The following PANK2 variants were observed in gnomAD, a reference collection of about 807,000 sequenced individuals.
PANK2 encodes pantothenate kinase 2, also known as pantothenate kinase 2, mitochondrial.
A neutral mutation model predicts 43.1 loss-of-function variants in PANK2; 36 were observed. That is an observed-to-expected ratio of 0.84 (90% CI 0.64 to 1.10). PANK2 has a LOEUF of 1.10. PANK2 is among the 50% of genes least tolerant of loss of function. The pLI, the probability that PANK2 is intolerant of heterozygous loss-of-function variation, is 0.00. For synonymous variants in PANK2, 281 were observed against 238.2 expected (o/e 1.18, Z -1.66); for missense variants, 576 against 593.3 (o/e 0.97, Z 0.30).
Position 3,923,377 on chromosome 20 carries a change from A to G in PANK2, c.*83A>G. 2 of 1,367,858 alleles carry G rather than the reference A, an allele frequency of 1.5e-6. No individual in the cohort carries two copies. Among genetic ancestry groups the G allele is most frequent in the Admixed American group, 1.7e-5 (1 of 59,502 alleles). 84.7% of individuals were successfully genotyped at this position (1,367,858 alleles called of 1,614,324 possible). On this transcript the variant is annotated 3_prime_UTR_variant, in exon 7 of 7. Coordinates refer to ENST00000610179, the MANE Select transcript of PANK2 (RefSeq NM_001386393.1). ...TTTTTTAAGAGACTTACTCAATTTCATGACTGTACTACCTGAAACAAAGTG... is the reference window on the plus strand; with the variant it reads ...TTTTTTAAGAGACTTACTCAATTTCGTGACTGTACTACCTGAAACAAAGTG...
intron 1 of PANK2, chr20:3,901,576 T>C: frequency 1.0e-6 from 1 of 978,968 alleles, no homozygotes; most frequent in Non-Finnish European, 1.2e-6. Flanking sequence ...TTCATTTCCT[T>C]CTCCCTTCTC....
chr20:3,911,097 A>G (rs2090461821), intron 3 of PANK2, among the ~76,000 whole-genome samples: 1 of 152,254 alleles, frequency 6.6e-6, no homozygotes, highest in Admixed American at 6.5e-5. Flanking sequence ...TATGGTGTGC[A>G]TACACAAAGT....
intron 1 of PANK2, 40 bp downstream of exon 1, chr20:3,889,768 C>CTG: frequency 6.3e-7 from 1 of 1,578,854 alleles, no homozygotes; most frequent in Non-Finnish European, 8.5e-7. Flanking sequence ...CCGCCCTGCC[C>CTG]CCCCTTCCGG....
intron 3 of PANK2, among the ~76,000 whole-genome samples, chr20:3,911,555 G>T (rs1173644330): frequency 2.0e-5 from 3 of 149,982 alleles, no homozygotes; most frequent in African/African-American, 7.4e-5. Flanking sequence ...CTGCACTCCA[G>T]CCTGGGTGAC....
chr20:3,896,326 C>G (rs957178484), intron 1 of PANK2, among the ~76,000 whole-genome samples: 1 of 150,740 alleles, frequency 6.6e-6, no homozygotes, highest in African/African-American at 2.4e-5. Flanking sequence ...GATCCGCCTG[C>G]CTTGGCCTCC....
chr20:3,902,358 T>C (rs2090315526), intron 1 of PANK2, among the ~76,000 whole-genome samples: 1 of 151,658 alleles, frequency 6.6e-6, no homozygotes, highest in South Asian at 2.1e-4. Context: ...TGAGACGGAA[T>C]CTCACTCTGT....
chr20:3,917,246 C>T (rs368173301), intron 5 of PANK2, among the ~76,000 whole-genome samples, 196 bp downstream of exon 5: 97 of 151,240 alleles, frequency 6.4e-4, no homozygotes, highest in African/African-American at 2.3e-3. Context: ...AACATTGCTA[C>T]TTGTCTAGAG....
chr20:3,915,233 T>C (rs1039662067), intron 4 of PANK2, among the ~76,000 whole-genome samples: 4 of 108,514 alleles, frequency 3.7e-5, no homozygotes, highest in Middle Eastern at 5.0e-3. Flanking sequence ...TCATGAAGAA[T>C]TGTTTATTTT....
chr20:3,914,412 C>G (rs895121189), intron 4 of PANK2, among the ~76,000 whole-genome samples: 1 of 151,780 alleles, frequency 6.6e-6, no homozygotes. Context: ...GTCTCCTGGG[C>G]TCAGGTGTTT....
In PANK2 at chr20:3,916,965, T is replaced by A; in HGVS notation, c.1121T>A (p.Val374Asp). ...ATGAGCAAGGAGAAGCGAGAGGCTG[T>A]CAGTAAAGAGGACCTGGCCAGAGCG... The change falls in exon 5 of 7, where the codon GTC becomes GAC. Residue 374 changes from valine (V) to aspartate (D), a missense_variant. This residue lies in a region of PANK2 where 544 missense variants were observed against 528.9 expected (regional missense o/e 1.03). Transcript: ENST00000610179. 1 of 1,614,084 alleles carries A rather than the reference T, an allele frequency of 6.2e-7. No homozygotes were observed. Among genetic ancestry groups the A allele is most frequent in the Non-Finnish European group, 8.5e-7 (1 of 1,180,014 alleles).
At chr20:3,906,870 C>T (rs1444331357) in intron 1 of PANK2, among the ~76,000 whole-genome samples, 4 of 152,020 alleles carry the variant, frequency 2.6e-5, no homozygotes, top group African/African-American at 9.7e-5. Context: ...GCGATCTTGG[C>T]TCACTGCAGC....
rs748780222 is a variant in PANK2 at position 3,889,411 on chromosome 20, A to C, written c.-20A>C. The C allele has an allele frequency of 1.3e-6, 2 of 1,570,284 alleles. No individual in the cohort carries two copies. Among genetic ancestry groups the C allele is most frequent in the Middle Eastern group, 1.7e-4 (1 of 5,996 alleles). On this transcript the variant is annotated 5_prime_UTR_variant, in exon 1 of 7. Coordinates refer to ENST00000610179, the MANE Select transcript of PANK2 (RefSeq NM_001386393.1). ...TGCTCTGGCTGGACTGCCGCGGAGGAGGCGAGAAGGAATCCGACGCTGGGG... is the reference window on the plus strand; with the variant it reads ...TGCTCTGGCTGGACTGCCGCGGAGGCGGCGAGAAGGAATCCGACGCTGGGG...
At position 3,927,394 on chromosome 20, in the gene PANK2, AAAATTTTAAAATAGCAATT is replaced by A. The variant is rs1260076706; in HGVS notation, c.*4105_*4123del. On this transcript the variant is annotated 3_prime_UTR_variant, in exon 7 of 7. Coordinates refer to ENST00000610179, the MANE Select transcript of PANK2 (RefSeq NM_001386393.1). ...TGAGGAGTGATTAGCAAAATGCATT[AAAATTTTAAAATAGCAATT>A]AAATATACAAAAATATAGCTTACAA... 1 of 152,260 alleles carries A rather than the reference AAAATTTTAAAATAGCAATT, an allele frequency of 6.6e-6. No individual in the cohort carries two copies. The highest frequency in any genetic ancestry group is 1.5e-5 in the Non-Finnish European group (1 of 68,036). The allele number at this position is 152,260 out of a possible 1,614,324, so 9.4% of individuals were successfully genotyped here.
chr20:3,917,760 TAAAA>T (rs892000168), intron 5 of PANK2, among the ~76,000 whole-genome samples: 1 of 152,190 alleles, frequency 6.6e-6, no homozygotes, highest in African/African-American at 2.4e-5. Flanking sequence ...CATTTTAAAT[TAAAA>T]AAATACTGTA....
chr20:3,907,817 A>C (rs2090410735), intron 1 of PANK2, 109 bp from the exon 2 acceptor site: 3 of 957,258 alleles, frequency 3.1e-6, no homozygotes, highest in Non-Finnish European at 4.8e-6. Context: ...TTTTGCCTAG[A>C]ATTATGTTCT....
Position 3,926,231 on chromosome 20 carries a change from G to C in PANK2, c.*2937G>C, listed in dbSNP as rs562491533. ...GTATTTGGGTTGGAGATACAGAGCT[G>C]AGAATGATATGCATGTAGGTGGGCA... On this transcript the variant is annotated 3_prime_UTR_variant, in exon 7 of 7. Transcript: ENST00000610179. 4 of 152,440 alleles carry C rather than the reference G, an allele frequency of 2.6e-5. No homozygotes were observed. In the South Asian group the frequency reaches 8.3e-4, roughly 32 times the overall value. 9.4% of individuals were successfully genotyped at this position (152,440 alleles called of 1,614,324 possible).
intron 4 of PANK2, among the ~76,000 whole-genome samples, chr20:3,915,061 T>C (rs1464884722): frequency 2.0e-5 from 3 of 152,208 alleles, no homozygotes; most frequent in Non-Finnish European, 2.9e-5. Flanking sequence ...CGCAAATGTT[T>C]TGTCCCATTT....
At chr20:3,890,619 T>A (rs1429168948) in intron 1 of PANK2, among the ~76,000 whole-genome samples, 2 of 152,184 alleles carry the variant, frequency 1.3e-5, no homozygotes, top group Non-Finnish European at 2.9e-5. Flanking sequence ...TTTTGGTGGG[T>A]GTTGCCAGAT....
chr20:3,901,159 C>T lies in PANK2; in HGVS notation c.299-6767C>T, dbSNP rs1040343744. 2.0e-5 allele frequency among the ~76,000 whole-genome samples: 3 copies of T among 151,974 alleles called. 1 individual carries two copies. The highest frequency in any genetic ancestry group is 1.3e-4 in the Admixed American group (2 of 15,152). ...CTAGCCTCAAACTCTTGGGCTCAAG[C>T]GATCTTCCTGCCTCAGCCCCTGGAG... is the stretch of plus-strand genomic sequence containing the variant. On this transcript the variant is annotated intron_variant, in intron 1 of 6. Coordinates refer to ENST00000610179, the MANE Select transcript of PANK2 (RefSeq NM_001386393.1).
Sources: gnomAD v4.1 joint callset for allele counts (sites outside exome capture counted in the v4.1 genomes callset) on GRCh38, gnomAD v4.1.1 for gene constraint, gnomAD v4.1.1 regional missense constraint, MANE v1.5 for transcripts, NCBI Gene and HGNC (gene_info 2026-07-23, HGNC 2026-07-21) for gene names.